PAX7: variants seen among roughly 807,000 people sequenced by gnomAD.
PAX7 encodes paired box protein Pax-7.
A neutral mutation model predicts 50.7 loss-of-function variants in PAX7; 18 were observed. The ratio of observed to expected loss-of-function variants is 0.36; its 90% CI spans 0.25 to 0.53. PAX7 has a LOEUF of 0.53. Among genes scored for constraint, PAX7 ranks in the 20% least tolerant of loss-of-function variants. The probability of loss-of-function intolerance (pLI) is 0.93; values close to 1 mark genes in which losing one functional copy is unlikely to be tolerated. For synonymous variants in PAX7, 310 were observed against 290.4 expected (o/e 1.07, Z -0.69); for missense variants, 644 against 702.9 (o/e 0.92, Z 0.95).
At chr1:18,675,685 G>A (rs576062045) in intron 4 of PAX7, among the ~76,000 whole-genome samples, 1 of 152,320 alleles carries the variant, frequency 6.6e-6, no homozygotes, top group South Asian at 2.1e-4. Context: ...TTTGTAAACA[G>A]CTTTTGAAGT....
chr1:18,707,415 C>CTTTTTTTTTTTTTTTTTT (rs60914648), intron 7 of PAX7, among the ~76,000 whole-genome samples: 7 of 28,056 alleles, frequency 2.5e-4, no homozygotes, highest in Non-Finnish European at 3.0e-4. Context: ...TTTTTTCTTT[C>CTTTTTTTTTTTTTTTTTT]TTTTTTTTTT....
intron 4 of PAX7, among the ~76,000 whole-genome samples, chr1:18,672,327 T>C (rs2100240159): frequency 6.6e-6 from 1 of 152,298 alleles, no homozygotes; most frequent in East Asian, 1.9e-4. Flanking sequence ...AGCCATCCCC[T>C]TCCCCCATCT....
chr1:18,679,819 A>G, intron 4 of PAX7, among the ~76,000 whole-genome samples: 1 of 152,268 alleles, frequency 6.6e-6, no homozygotes, highest in Admixed American at 6.5e-5. Context: ...TCATTCAGGC[A>G]TTTGTTCATT....
At chr1:18,669,637 C>T (rs1315304235) in intron 4 of PAX7, among the ~76,000 whole-genome samples, 2 of 152,136 alleles carry the variant, frequency 1.3e-5, no homozygotes, top group Non-Finnish European at 2.9e-5. Flanking sequence ...AGACAAAGTC[C>T]GTACTGGGGG....
chr1:18,744,754 T>C, intron 8 of PAX7, 60 bp from the exon 9 acceptor site: 1 of 892,350 alleles, frequency 1.1e-6, no homozygotes. Context: ...GTAGATAGAG[T>C]GAATGGAAGA....
intron 6 of PAX7, among the ~76,000 whole-genome samples, chr1:18,701,431 TGTGA>T (rs1203696973): frequency 6.6e-6 from 1 of 152,050 alleles, no homozygotes; most frequent in Non-Finnish European, 1.5e-5. Context: ...TGAATGAGTG[TGTGA>T]GTGTGTGCAT....
chr1:18,709,605 C>A (rs1053443617), intron 7 of PAX7, among the ~76,000 whole-genome samples: 1 of 152,326 alleles, frequency 6.6e-6, no homozygotes, highest in East Asian at 1.9e-4. Context: ...ACCCCACTTG[C>A]CCTCCTTGAC....
At chr1:18,696,767 G>A (rs2089155414) in intron 5 of PAX7, among the ~76,000 whole-genome samples, 1 of 152,076 alleles carries the variant, frequency 6.6e-6, no homozygotes, top group African/African-American at 2.4e-5. Context: ...AGTGGGAGGT[G>A]AGGGGAGAAG....
At chr1:18,697,080 G>A (rs2089159146) in intron 5 of PAX7, among the ~76,000 whole-genome samples, 1 of 152,140 alleles carries the variant, frequency 6.6e-6, no homozygotes, top group African/African-American at 2.4e-5. Context: ...ACAGTTCAAA[G>A]TGACTGTGCT....
At chr1:18,655,636 G>A (rs1281842215) in intron 4 of PAX7, among the ~76,000 whole-genome samples, 4 of 152,200 alleles carry the variant, frequency 2.6e-5, no homozygotes, top group Admixed American at 6.5e-5. Flanking sequence ...GGCGGCCTCC[G>A]CTAATTCATT....
At chr1:18,723,499 G>A (rs2089520007) in intron 7 of PAX7, among the ~76,000 whole-genome samples, 1 of 152,238 alleles carries the variant, frequency 6.6e-6, no homozygotes, top group African/African-American at 2.4e-5. Context: ...CCAAGAAGGT[G>A]AGGTATCGTA....
intron 7 of PAX7, 54 bp downstream of exon 7, chr1:18,703,350 C>A: frequency 6.7e-7 from 1 of 1,495,870 alleles, no homozygotes; most frequent in Non-Finnish European, 9.3e-7. Flanking sequence ...AGTCAGACAT[C>A]TGCAGACAGC....
chr1:18,720,424 C>T (rs2089479446), intron 7 of PAX7, among the ~76,000 whole-genome samples: 1 of 152,096 alleles, frequency 6.6e-6, no homozygotes. Context: ...GGGCCTGGCA[C>T]CCTGGCATGA....
chr1:18,646,041 A>G (rs369816320), intron 4 of PAX7, among the ~76,000 whole-genome samples: 17 of 152,322 alleles, frequency 1.1e-4, no homozygotes, highest in African/African-American at 3.6e-4. Flanking sequence ...ATAAAGTCCA[A>G]TGTGGGGGGA....
chr1:18,739,938 G>T (rs1197791528), intron 8 of PAX7, among the ~76,000 whole-genome samples: 1 of 152,168 alleles, frequency 6.6e-6, no homozygotes, highest in African/African-American at 2.4e-5. Context: ...AATTTTAATA[G>T]ATCTGACAAG....
chr1:18,691,823 G>T lies in PAX7; in HGVS notation c.656G>T (p.Arg219Leu). 1 of 1,612,606 alleles carries T rather than the reference G, an allele frequency of 6.2e-7. No individual in the cohort carries two copies. The highest frequency in any genetic ancestry group is 8.5e-7 in the Non-Finnish European group (1 of 1,179,454). The change falls in exon 5 of 9, where the codon CGC (arginine) becomes CTC (leucine). Residue 219 changes from arginine to leucine, a missense_variant. Transcript: ENST00000420770. Reference sequence around the variant, plus strand: ...CTCCCACTGAAGCGCAAGCAGCGACGCAGTCGGACCACATTCACGGCCGAG... The same window carrying T: ...CTCCCACTGAAGCGCAAGCAGCGACTCAGTCGGACCACATTCACGGCCGAG... ...PDLPLKRKQR[R>L]SRTTFTAEQL...
At chr1:18,675,392 T>G (rs1164988806) in intron 4 of PAX7, among the ~76,000 whole-genome samples, 1 of 152,156 alleles carries the variant, frequency 6.6e-6, no homozygotes, top group East Asian at 1.9e-4. Context: ...AAGGGAATAT[T>G]TAGCCCCACC....
intron 7 of PAX7, among the ~76,000 whole-genome samples, chr1:18,727,115 C>A (rs1370900764): frequency 6.6e-6 from 1 of 152,136 alleles, no homozygotes; most frequent in African/African-American, 2.4e-5. Flanking sequence ...AAAATTCACA[C>A]ATATACACAC....
chr1:18,719,051 G>C lies in PAX7; in HGVS notation c.1155+15755G>C, dbSNP rs367897645. ...GAAGGCACCTAGAAAGAGTTAACTG[G>C]CTGTCTCATTTTGCAAATAGAGACA... On this transcript the variant is annotated intron_variant, in intron 7 of 8. Transcript: ENST00000420770. Among the ~76,000 whole-genome samples the C allele has an allele frequency of 4.6e-5, 7 of 152,176 alleles. No individual in the cohort carries two copies. The East Asian group carries it at 9.6e-4, about 21-fold the overall frequency.
Sources: gnomAD v4.1 joint callset for allele counts (sites outside exome capture counted in the v4.1 genomes callset) on GRCh38, gnomAD v4.1.1 for gene constraint, MANE v1.5 for transcripts, NCBI Gene and HGNC (gene_info 2026-07-23, HGNC 2026-07-21) for gene names.